The following TASOR2 variants were observed in gnomAD, a reference collection of about 807,000 sequenced individuals.
The protein encoded by TASOR2 is transcription activation suppressor family member 2.
In TASOR2, 84 loss-of-function variants were observed where a neutral mutation model predicts 199.5. The ratio of observed to expected loss-of-function variants is 0.42; its 90% CI spans 0.35 to 0.50. The LOEUF (loss-of-function observed/expected upper bound fraction) is 0.50, where lower values mean the gene tolerates loss of function less well. Ranked by LOEUF, TASOR2 falls within the 20% of genes least tolerant of loss-of-function variation. TASOR2 has a pLI of 0.02. For missense variants in TASOR2, 2,796 were observed against 2,835.9 expected (o/e 0.99, Z 0.32); for synonymous variants, 1,103 against 1,046.6 (o/e 1.05, Z -1.04).
rs1195682871 is a variant in TASOR2 at position 5,742,766 on chromosome 10, C to T, written c.2757+240C>T. ...CAGAGTAGAAAAATGTCACAGGGTC[C>T]ACATGATCTGGGAGCCCAGCATAAT... On this transcript the variant is annotated intron_variant, in intron 14 of 20. Transcript: ENST00000328090. This position sits in a 1 kb window ranked among gnomAD's most constrained non-coding sequence, Gnocchi z 4.2. Among the ~76,000 whole-genome samples the T allele has an allele frequency of 2.0e-5, 3 of 152,116 alleles. No homozygotes were observed. Among genetic ancestry groups the T allele is most frequent in the Non-Finnish European group, 4.4e-5 (3 of 68,026 alleles).
In TASOR2 at chr10:5,750,127, T is replaced by C; in HGVS notation, c.6606+100T>C. On this transcript the variant is annotated intron_variant, in intron 15 of 20. Coordinates refer to ENST00000328090, the Ensembl canonical transcript of TASOR2. This position sits in a 1 kb window ranked among gnomAD's most constrained non-coding sequence, Gnocchi z 5.4. The stretch of plus-strand genomic sequence containing the variant: ...TAGCCATCAAAAAGAAATCATGGTA[T>C]GACATAGTATTTAAATTTCACAGCT... The C allele has an allele frequency of 2.3e-6, 3 of 1,283,868 alleles. No homozygotes were observed. The highest frequency in any genetic ancestry group is 3.1e-6 in the Non-Finnish European group (3 of 960,768). 79.5% of individuals were successfully genotyped at this position (1,283,868 alleles called of 1,614,324 possible). A position where few individuals can be genotyped will look rare whatever the true frequency, so the allele number is the denominator to read the frequency against.
rs752579708 is a variant in TASOR2, at chr10:5,761,248, AAAACTG to A, written c.6993-38_6993-33del. 2.6e-5 allele frequency: 41 copies of A among 1,548,928 alleles called. 2 individuals are homozygous for A. In the South Asian group the frequency reaches 4.1e-4, roughly 15 times the overall value. ...GAAGGCAAGAAAAAGTCCTAAGAAT[AAAACTG>A]AAAAATATTTTAATATGCCTATGTA... On this transcript the variant is annotated intron_variant, in intron 18 of 20. Coordinates refer to ENST00000328090, the Ensembl canonical transcript of TASOR2.
In TASOR2 at chr10:5,748,724, G is replaced by A; in HGVS notation, c.5303G>A (p.Ser1768Asn). 6.2e-7 allele frequency: 1 copy of A among 1,614,212 alleles called. No homozygotes were observed. The highest frequency in any genetic ancestry group is 8.5e-7 in the Non-Finnish European group (1 of 1,180,036). The change falls in exon 15 of 21, where the codon AGT (serine) becomes AAT (asparagine). Residue 1768 changes from serine to asparagine, a missense_variant. Transcript: ENST00000328090. This position sits in a 1 kb window ranked among gnomAD's most constrained non-coding sequence, Gnocchi z 5.1. ...ACAGCAGACACCAAGGAAAACCTCA[G>A]TAAAGAGCCTTTGGCCTCCTTTGTT...
intron 12 of TASOR2, among the ~76,000 whole-genome samples, chr10:5,736,300 C>T (rs1835573132): frequency 6.6e-6 from 1 of 152,060 alleles, no homozygotes. Context: ...TGCCTGTAAT[C>T]CCAGCTACTC....
chr10:5,704,166 G>A (rs757501206), intron 1 of TASOR2, among the ~76,000 whole-genome samples: 16 of 150,802 alleles, frequency 1.1e-4, no homozygotes, highest in African/African-American at 2.2e-4. Context: ...GAAAGTTGCC[G>A]TGAGCCGAGA....
At chr10:5,708,470 T>C (rs576900209) in intron 1 of TASOR2, among the ~76,000 whole-genome samples, 1 of 152,300 alleles carries the variant, frequency 6.6e-6, no homozygotes, top group South Asian at 2.1e-4. Flanking sequence ...TTTATAGTAC[T>C]AATTTCTTTG....
intron 8 of TASOR2, among the ~76,000 whole-genome samples, chr10:5,724,930 C>T (rs995128626): frequency 6.6e-6 from 1 of 151,880 alleles, no homozygotes; most frequent in Non-Finnish European, 1.5e-5. Context: ...ATAGTTACAA[C>T]AATATACTGT....
In TASOR2 at chr10:5,699,861, A is replaced by G. The variant is rs945363107; in HGVS notation, c.-287-12962A>G. 5.4e-5 allele frequency: 25 copies of G among 467,116 alleles called. No individual in the cohort carries two copies. Among genetic ancestry groups the G allele is most frequent in the Non-Finnish European group, 6.7e-5 (24 of 356,584 alleles). 28.9% of individuals were successfully genotyped at this position (467,116 alleles called of 1,614,324 possible). On this transcript the variant is annotated intron_variant, in intron 1 of 20. Transcript: ENST00000328090. The surrounding 1 kb of genome is among the most constrained non-coding windows in gnomAD (Gnocchi z 4.1). The stretch of plus-strand genomic sequence containing the variant: ...ATGCGTAATAGATGTACACAGTTTT[A>G]GGATACATGTGATAATACAGTCATA...
At chr10:5,735,010 T>C (rs1033602900) in intron 11 of TASOR2, among the ~76,000 whole-genome samples, 4 of 152,100 alleles carry the variant, frequency 2.6e-5, no homozygotes. Flanking sequence ...TTTGTTTGTT[T>C]GTTTGTTTTT....
intron 10 of TASOR2, among the ~76,000 whole-genome samples, chr10:5,729,220 A>G (rs1216076546): frequency 6.6e-6 from 1 of 152,186 alleles, no homozygotes; most frequent in African/African-American, 2.4e-5. Flanking sequence ...GTGGTGGCAC[A>G]TGCATATAAT....
intron 1 of TASOR2, among the ~76,000 whole-genome samples, chr10:5,693,898 C>T (rs1214191969): frequency 6.6e-6 from 1 of 152,182 alleles, no homozygotes; most frequent in Non-Finnish European, 1.5e-5. Flanking sequence ...CAATGCCTGC[C>T]TCTATAAACC....
intron 1 of TASOR2, chr10:5,712,258 T>C (rs555128928): frequency 1.8e-6 from 1 of 558,898 alleles, no homozygotes; most frequent in South Asian, 9.8e-5. Flanking sequence ...TTTTAAATTT[T>C]GTTAAGACAG....
intron 15 of TASOR2, among the ~76,000 whole-genome samples, chr10:5,755,583 A>C (rs1236064426): frequency 6.6e-6 from 1 of 152,100 alleles, no homozygotes; most frequent in African/African-American, 2.4e-5. Flanking sequence ...CAAAAAAAAA[A>C]GATCCAAGGG....
Position 5,730,679 on chromosome 10 carries a change from A to G in TASOR2, c.680A>G (p.Gln227Arg). The G allele has an allele frequency of 2.5e-6, 4 of 1,614,210 alleles. No individual in the cohort carries two copies. Among genetic ancestry groups the G allele is most frequent in the Non-Finnish European group, 2.5e-6 (3 of 1,180,020 alleles). The change falls in exon 11 of 21, where the codon CAG becomes CGG. Residue 227 changes from glutamine to arginine, a missense_variant. By Grantham distance (43) the Gln-to-Arg change is conservative. This residue lies in a region of TASOR2 where 847 missense variants were observed against 887.4 expected (regional missense o/e 0.95). Transcript: ENST00000328090. The surrounding 1 kb of genome is among the most constrained non-coding windows in gnomAD (Gnocchi z 4.1). ...AGCCCTTCATTGAGTGTTGCTCCTC[A>G]GGATAGAATGAAAGACCCTACATTC...
At chr10:5,746,269 G>A (rs922663614) in exon 15 of TASOR2, 1 of 1,613,616 alleles carries the variant, frequency 6.2e-7, no homozygotes, top group Non-Finnish European at 8.5e-7. Context: ...TGGACCTTCT[G>A]TTCCTAGTGA....
chr10:5,707,679 C>T (rs1238709004), intron 1 of TASOR2, among the ~76,000 whole-genome samples: 2 of 148,786 alleles, frequency 1.3e-5, no homozygotes, highest in Non-Finnish European at 1.5e-5. Flanking sequence ...TCTCTGTCTC[C>T]CCCCCCAACC....
chr10:5,711,906 G>A (rs1831965334), intron 1 of TASOR2, among the ~76,000 whole-genome samples: 2 of 151,922 alleles, frequency 1.3e-5, no homozygotes, highest in Non-Finnish European at 2.9e-5. Flanking sequence ...TGGTGAGTGG[G>A]CAATAGTAGG....
chr10:5,759,669 C>G (rs902971324), intron 18 of TASOR2, among the ~76,000 whole-genome samples: 1 of 152,202 alleles, frequency 6.6e-6, no homozygotes, highest in Admixed American at 6.5e-5. Flanking sequence ...GAGTAGATAA[C>G]AAACATGACC....
At chr10:5,735,107 A>T (rs1256807524) in intron 11 of TASOR2, among the ~76,000 whole-genome samples, 197 bp from the exon 13 acceptor site, 1 of 151,926 alleles carries the variant, frequency 6.6e-6, no homozygotes, top group African/African-American at 2.4e-5. Context: ...TAGCAAGTTC[A>T]TATTATATTT....
Sources: allele counts gnomAD v4.1 joint callset (sites outside exome capture counted in the v4.1 genomes callset), GRCh38; gene constraint gnomAD v4.1.1; regional missense constraint gnomAD v4.1.1; non-coding constraint Gnocchi (gnomAD v3.1); transcripts MANE v1.5; gene names NCBI Gene and HGNC (gene_info 2026-07-23, HGNC 2026-07-21).